The following NEBL variants were observed in gnomAD, a reference collection of about 807,000 sequenced individuals.
The protein encoded by NEBL is LIM and SH3 protein 2.
A neutral mutation model predicts 140.2 loss-of-function variants in NEBL; 122 were observed. That is an observed-to-expected ratio of 0.87 (90% CI 0.75 to 1.01). The LOEUF is 1.01. Among genes scored for constraint, NEBL ranks in the 50% least tolerant of loss-of-function variants. The pLI, the probability that NEBL is intolerant of heterozygous loss-of-function variation, is 0.00. For missense variants in NEBL, 1,365 were observed against 1,231.3 expected, an observed-to-expected ratio of 1.11 and a Z score of -1.62; for synonymous variants, 436 against 398.9, an observed-to-expected ratio of 1.09 and a Z score of -1.11.
chr10:20,788,193 G>A (rs1017029400), intron 26 of NEBL, among the ~76,000 whole-genome samples: 1 of 152,140 alleles, frequency 6.6e-6, no homozygotes, highest in East Asian at 1.9e-4. Flanking sequence ...TAAGTTATCT[G>A]TGACCAGAAA....
intron 26 of NEBL, among the ~76,000 whole-genome samples, chr10:20,803,714 C>T (rs1394991424): frequency 6.6e-6 from 1 of 151,420 alleles, no homozygotes; most frequent in Non-Finnish European, 1.5e-5. Flanking sequence ...TCAATCAGCA[C>T]CTTCTCACCA....
At chr10:20,995,841 G>A (rs1252444194) in intron 3 of NEBL, among the ~76,000 whole-genome samples, 1 of 152,058 alleles carries the variant, frequency 6.6e-6, no homozygotes, top group Non-Finnish European at 1.5e-5. Context: ...GGCCCGCTCT[G>A]AGCTAGATGT....
chr10:21,155,776 G>A (rs989262720), intron 2 of NEBL, among the ~76,000 whole-genome samples: 18 of 152,300 alleles, frequency 1.2e-4, no homozygotes, highest in Admixed American at 7.8e-4. Context: ...AGGGAGGTGC[G>A]TTGGAAAAGC....
At chr10:21,224,754 A>C (rs11012590) in intron 3 of NEBL, among the ~76,000 whole-genome samples, 41,478 of 151,688 alleles carry the variant, frequency 0.27, 10,210 homozygotes, top group African/African-American at 0.67. Flanking sequence ...TAGTTAATTT[A>C]ATTTGTAGCT....
intron 4 of NEBL, among the ~76,000 whole-genome samples, chr10:20,885,934 C>T (rs1846477649): frequency 6.6e-6 from 1 of 152,040 alleles, no homozygotes; most frequent in South Asian, 2.1e-4. Context: ...TAGTTTACTG[C>T]CAAGTCAGGT....
chr10:21,186,110 A>C (rs1026300300), intron 3 of NEBL, among the ~76,000 whole-genome samples: 3 of 152,180 alleles, frequency 2.0e-5, no homozygotes, highest in African/African-American at 7.2e-5. Flanking sequence ...GTGAGTTTTA[A>C]ATTTTAAGAC....
intron 2 of NEBL, among the ~76,000 whole-genome samples, chr10:21,056,756 G>A (rs1487661882): frequency 6.6e-6 from 1 of 152,150 alleles, no homozygotes; most frequent in Non-Finnish European, 1.5e-5. Flanking sequence ...GCAAAATACT[G>A]CGAGAAAGAA....
intron 2 of NEBL, among the ~76,000 whole-genome samples, chr10:21,066,876 T>A (rs1211494916): frequency 6.6e-6 from 1 of 152,014 alleles, no homozygotes; most frequent in Non-Finnish European, 1.5e-5. Context: ...TAAGGACACT[T>A]AAGAACTTTT....
At chr10:21,158,199 T>G (rs1271715046) in intron 2 of NEBL, among the ~76,000 whole-genome samples, 2 of 152,230 alleles carry the variant, frequency 1.3e-5, no homozygotes, top group Non-Finnish European at 2.9e-5. Flanking sequence ...GTGAGGATTT[T>G]GCCAGGAATT....
intron 3 of NEBL, among the ~76,000 whole-genome samples, chr10:21,018,111 C>T (rs1170752072): frequency 6.6e-6 from 1 of 152,080 alleles, no homozygotes; most frequent in African/African-American, 2.4e-5. Flanking sequence ...CATGAGCCCC[C>T]GTGCCCAGCC....
intron 4 of NEBL, among the ~76,000 whole-genome samples, chr10:20,958,607 C>T (rs1370178338): frequency 6.6e-6 from 1 of 152,162 alleles, no homozygotes; most frequent in African/African-American, 2.4e-5. Flanking sequence ...GAGATGAAGA[C>T]ATCTTCTGGA....
intron 5 of NEBL, among the ~76,000 whole-genome samples, chr10:20,879,015 G>T (rs935749088): frequency 6.6e-6 from 1 of 152,170 alleles, no homozygotes; most frequent in African/African-American, 2.4e-5. Flanking sequence ...CTTCTAACCC[G>T]TGGCCTTTTG....
At position 20,920,439 on chromosome 10, in the gene NEBL, A is replaced by C. The variant is rs557540777; in HGVS notation, c.357+41233T>G. On this transcript the variant is annotated intron_variant, in intron 4 of 6. Transcript: ENST00000417816. ...TAGTTAAAGAAATTGTAGTCCAGCG[A>C]CACACTGGAGCTGTCAAAATGTATA... is the stretch of plus-strand genomic sequence containing the variant. Among the ~76,000 whole-genome samples, 3 of 152,376 alleles carry C rather than the reference A, an allele frequency of 2.0e-5. No homozygotes were observed. In the South Asian group the frequency reaches 6.2e-4, roughly 32 times the overall value.
rs1033846546 is a variant in NEBL at position 21,120,070 on chromosome 10, T to C, written c.164+52313A>G. 2.8e-4 allele frequency among the ~76,000 whole-genome samples: 42 copies of C among 152,014 alleles called. 1 individual carries two copies. Among genetic ancestry groups the C allele is most frequent in the African/African-American group, 9.9e-4 (41 of 41,380 alleles). The stretch of plus-strand genomic sequence containing the variant: ...TGTCAATTTGTTACTCTAGTAATGA[T>C]GTTAAATTGTTTAAATTTAGCCAGG... On this transcript the variant is annotated intron_variant, in intron 2 of 6. Transcript: ENST00000417816.
At position 20,841,154 on chromosome 10, in the gene NEBL, G is replaced by A. The variant is rs115745902; in HGVS notation, c.1228-305C>T. 1.5e-3 allele frequency among the ~76,000 whole-genome samples: 223 copies of A among 151,992 alleles called. 1 individual carries two copies. Among genetic ancestry groups the A allele is most frequent in the African/African-American group, 5.0e-3 (206 of 41,462 alleles). ...ATGGTGAGGAAGATCTTAAGAACAC[G>A]TGTTCCTTATTAATTGTTAAAACTA... On this transcript the variant is annotated intron_variant, in intron 12 of 27. Transcript: ENST00000377122.
In NEBL at chr10:20,813,978, A is replaced by G. The variant is rs144815863; in HGVS notation, c.2307T>C (p.Ala769=). 527 of 1,610,756 alleles carry G rather than the reference A, an allele frequency of 3.3e-4. 1 individual carries two copies. Among genetic ancestry groups the G allele is most frequent in the Non-Finnish European group, 4.4e-4 (519 of 1,176,944 alleles). ...TTTGTGCTTCTTTAACATGTCTCAT[A>G]GCAGGTGTATCTAAAATCAGACTTG... ...GRPSLILDTP[A]MRHVKEAQNH... Residue 769 remains alanine (A), a synonymous_variant, in exon 23 of 28, where the codon GCT becomes GCC. Coordinates refer to ENST00000377122, the MANE Select transcript of NEBL (RefSeq NM_006393.3).
chr10:21,145,967 A>C (rs1202562855), intron 2 of NEBL, among the ~76,000 whole-genome samples: 1 of 152,126 alleles, frequency 6.6e-6, no homozygotes, highest in Non-Finnish European at 1.5e-5. Context: ...GAGGTCATTC[A>C]ACAACAGGTC....
intron 1 of NEBL, among the ~76,000 whole-genome samples, chr10:21,255,248 A>C (rs1286268734): frequency 6.6e-6 from 1 of 152,042 alleles, no homozygotes; most frequent in Non-Finnish European, 1.5e-5. Flanking sequence ...TCATGTCCTA[A>C]GGCCAGATAT....
chr10:20,785,279 G>T lies in NEBL; in HGVS notation c.*468C>A. 1 of 201,692 alleles carries T rather than the reference G, an allele frequency of 5.0e-6. No individual in the cohort carries two copies. Among genetic ancestry groups the T allele is most frequent in the Non-Finnish European group, 1.0e-5 (1 of 98,186 alleles). The allele number at this position is 201,692 out of a possible 1,614,324, so 12.5% of individuals were successfully genotyped here. On this transcript the variant is annotated 3_prime_UTR_variant, in exon 28 of 28. Transcript: ENST00000377122. Reference sequence around the variant, plus strand: ...GCCACTGTTTACACTTATTATATTGGGCAATTTTCACTAATATTGGAAATT... The same window carrying T: ...GCCACTGTTTACACTTATTATATTGTGCAATTTTCACTAATATTGGAAATT...
Sources: gnomAD v4.1 joint callset for allele counts (sites outside exome capture counted in the v4.1 genomes callset) on GRCh38, gnomAD v4.1.1 for gene constraint, MANE v1.5 for transcripts, NCBI Gene and HGNC (gene_info 2026-07-23, HGNC 2026-07-21) for gene names.